The following TCEANC2 variants were observed in gnomAD, a reference collection of about 807,000 sequenced individuals.
The protein encoded by TCEANC2 is transcription elongation factor A N-terminal and central domain-containing protein 2.
A neutral mutation model predicts 22.8 loss-of-function variants in TCEANC2; 20 were observed. The observed-to-expected ratio is 0.88, with a 90% CI of 0.62 to 1.28. The LOEUF (loss-of-function observed/expected upper bound fraction) is 1.28, where lower values mean the gene tolerates loss of function less well. Ranked by LOEUF, TCEANC2 falls within the 50% of genes most tolerant of loss-of-function variation. The probability of loss-of-function intolerance (pLI) is 0.00; values close to 1 mark genes in which losing one functional copy is unlikely to be tolerated. For synonymous variants in TCEANC2, 84 were observed against 95.5 expected, an observed-to-expected ratio of 0.88 and a Z score of 0.70; for missense variants, 251 against 249.7, an observed-to-expected ratio of 1.01 and a Z score of -0.03.
chr1:54,090,864 T>C (rs760851450), intron 4 of TCEANC2, among the ~76,000 whole-genome samples: 9 of 152,216 alleles, frequency 5.9e-5, no homozygotes, highest in Non-Finnish European at 1.2e-4. Context: ...TCTTTTTAAG[T>C]AAATGATAAT....
downstream of TCEANC2, among the ~76,000 whole-genome samples, chr1:54,108,095 C>T (rs1658786439): frequency 6.6e-6 from 1 of 152,132 alleles, no homozygotes; most frequent in South Asian, 2.1e-4. Context: ...TATTTATATC[C>T]CCCATTACAA....
In TCEANC2 at chr1:54,054,272, G is replaced by T; in HGVS notation, c.-42-109G>T. 4 of 1,451,602 alleles carry T rather than the reference G, an allele frequency of 2.8e-6. No individual in the cohort carries two copies. The African/African-American group carries it at 4.3e-5, about 16-fold the overall frequency. The allele number at this position is 1,451,602 out of a possible 1,614,324, so 89.9% of individuals were successfully genotyped here. On this transcript the variant is annotated intron_variant, in intron 1 of 4. Transcript: ENST00000234827. The stretch of plus-strand genomic sequence containing the variant: ...TTACTTCCTGTCAATTCCACTCGAG[G>T]CCCCATAATTCATGAATTCTTCCAG...
In TCEANC2 at chr1:54,105,301, G is replaced by A. The variant is rs1658731519; in HGVS notation, c.*8828G>A. 6.6e-6 allele frequency: 1 copy of A among 152,220 alleles called. No individual in the cohort carries two copies. Among genetic ancestry groups the A allele is most frequent in the Non-Finnish European group, 1.5e-5 (1 of 68,110 alleles). The allele number at this position is 152,220 out of a possible 1,614,324, so 9.4% of individuals were successfully genotyped here. A position where few individuals can be genotyped will look rare whatever the true frequency, so the allele number is the denominator to read the frequency against. ...CAGCCCCCTGGGAATTTTCCTCAAT[G>A]GAAGAGTTACCTCACTGACATACCC... is the stretch of plus-strand genomic sequence containing the variant. On this transcript the variant is annotated 3_prime_UTR_variant, in exon 5 of 5. Transcript: ENST00000234827.
At chr1:54,064,030 A>C (rs746810091) in intron 2 of TCEANC2, among the ~76,000 whole-genome samples, 7 of 152,246 alleles carry the variant, frequency 4.6e-5, no homozygotes, top group Non-Finnish European at 8.8e-5. Flanking sequence ...AATCTTGGCA[A>C]AGGCAAATGT....
chr1:54,081,029 C>T (rs548688105), intron 3 of TCEANC2, among the ~76,000 whole-genome samples: 12 of 152,248 alleles, frequency 7.9e-5, no homozygotes, highest in African/African-American at 2.9e-4. Flanking sequence ...AGGGTTAAAG[C>T]GTGGGCTCTG....
downstream of TCEANC2, among the ~76,000 whole-genome samples, chr1:54,107,282 T>C (rs1213749612): frequency 6.6e-6 from 1 of 152,178 alleles, no homozygotes; most frequent in East Asian, 1.9e-4. Flanking sequence ...TAAGTTGGAA[T>C]TCAGGGTTTT....
chr1:54,089,070 G>T (rs2100381738), intron 4 of TCEANC2, among the ~76,000 whole-genome samples: 1 of 152,314 alleles, frequency 6.6e-6, no homozygotes, highest in East Asian at 1.9e-4. Context: ...CATTCTAGTT[G>T]TGACACCTTA....
At chr1:54,086,406 T>C (rs1658341074) in intron 3 of TCEANC2, among the ~76,000 whole-genome samples, 1 of 152,194 alleles carries the variant, frequency 6.6e-6, no homozygotes, top group Non-Finnish European at 1.5e-5. Flanking sequence ...AGACTAGAGA[T>C]ATTAAGGAAG....
At chr1:54,068,641 G>A in intron 2 of TCEANC2, 115 bp from the exon 3 acceptor site, 1 of 1,121,268 alleles carries the variant, frequency 8.9e-7, no homozygotes, top group South Asian at 2.1e-5. Flanking sequence ...CTGTACTTTG[G>A]TTCAGGTCAT....
At chr1:54,088,191 G>A (rs1173075191) in intron 3 of TCEANC2, among the ~76,000 whole-genome samples, 1 of 152,126 alleles carries the variant, frequency 6.6e-6, no homozygotes, top group Non-Finnish European at 1.5e-5. Context: ...CATTCTGTCA[G>A]TCTTTTCACA....
intron 2 of TCEANC2, among the ~76,000 whole-genome samples, chr1:54,063,064 A>C (rs1335000846): frequency 1.3e-5 from 2 of 152,254 alleles, no homozygotes; most frequent in African/African-American, 4.8e-5. Flanking sequence ...TCAGAGCTGT[A>C]AATGGGAGCT....
chr1:54,065,718 T>A (rs891329222), intron 2 of TCEANC2, among the ~76,000 whole-genome samples: 29 of 147,004 alleles, frequency 2.0e-4, no homozygotes, highest in East Asian at 4.1e-4. Context: ...GTCTCAAAAA[T>A]ATATATATAT....
intron 4 of TCEANC2, among the ~76,000 whole-genome samples, chr1:54,090,874 TAAC>T: frequency 6.6e-6 from 1 of 152,340 alleles, no homozygotes; most frequent in Admixed American, 6.5e-5. Context: ...TAAATGATAA[TAAC>T]AAAGCTATGC....
exon 5 of TCEANC2, chr1:54,111,240 A>G (rs1408313041): frequency 6.6e-6 from 1 of 152,236 alleles, no homozygotes; most frequent in African/African-American, 2.4e-5. Flanking sequence ...CCATGGGAAG[A>G]GCTAATCCCA....
Position 54,101,417 on chromosome 1 carries a change from A to G in TCEANC2, c.*4944A>G, listed in dbSNP as rs1210275503. 6.6e-6 allele frequency: 1 copy of G among 152,188 alleles called. No homozygotes were observed. The highest frequency in any genetic ancestry group is 2.4e-5 in the African/African-American group (1 of 41,436). The allele number at this position is 152,188 out of a possible 1,614,324, so 9.4% of individuals were successfully genotyped here. ...TACAATTACTGTCAGGGATGGACTT[A>G]CTCATAACCTGGGGAGGTTGGTTTC... On this transcript the variant is annotated 3_prime_UTR_variant, in exon 5 of 5. Coordinates refer to ENST00000234827, the MANE Select transcript of TCEANC2 (RefSeq NM_153035.3).
Position 54,098,790 on chromosome 1 carries a change from G to A in TCEANC2, c.*2317G>A, listed in dbSNP as rs1227306822. The A allele has an allele frequency of 6.6e-6, 1 of 152,284 alleles. No individual in the cohort carries two copies. The highest frequency in any genetic ancestry group is 1.5e-5 in the Non-Finnish European group (1 of 68,084). 9.4% of individuals were successfully genotyped at this position (152,284 alleles called of 1,614,324 possible). A position where few individuals can be genotyped will look rare whatever the true frequency, so the allele number is the denominator to read the frequency against. ...TGATACCTGTGTTCAGTCTTAAAGG[G>A]CAGGAGTTTGGATAGGGGAATGTTA... On this transcript the variant is annotated 3_prime_UTR_variant, in exon 5 of 5. Coordinates refer to ENST00000234827, the MANE Select transcript of TCEANC2 (RefSeq NM_153035.3).
chr1:54,097,073 A>G lies in TCEANC2; in HGVS notation c.*600A>G, dbSNP rs1453830495. The G allele has an allele frequency of 2.4e-6, 2 of 833,848 alleles. No individual in the cohort carries two copies. The highest frequency in any genetic ancestry group is 1.1e-4 in the South Asian group (2 of 18,380). The allele number at this position is 833,848 out of a possible 1,614,324, so 51.7% of individuals were successfully genotyped here. ...TCTCCAGAGCCCCCATGCTGAGGCT[A>G]CTAATGAGGAACTGGCCCGAAGCCT... On this transcript the variant is annotated 3_prime_UTR_variant, in exon 5 of 5. Transcript: ENST00000234827.
rs545796525 is a variant in TCEANC2 at position 54,090,555 on chromosome 1, A to G, written c.438+1765A>G. The stretch of plus-strand genomic sequence containing the variant: ...AGTGTCATTTTTTATATCCTTTTCT[A>G]TATATCTTTATTTTTTCATGTTTAT... On this transcript the variant is annotated intron_variant, in intron 4 of 4. Coordinates refer to ENST00000234827, the MANE Select transcript of TCEANC2 (RefSeq NM_153035.3). Among the ~76,000 whole-genome samples, 22 of 152,180 alleles carry G rather than the reference A, an allele frequency of 1.4e-4. No individual in the cohort carries two copies. The South Asian group carries it at 4.1e-3, about 29-fold the overall frequency.
At chr1:54,060,398 C>G (rs1276025555) in intron 2 of TCEANC2, among the ~76,000 whole-genome samples, 1 of 149,334 alleles carries the variant, frequency 6.7e-6, no homozygotes, top group Non-Finnish European at 1.5e-5. Flanking sequence ...GAGCGAGACT[C>G]CATCTCAAAA....
Sources: gnomAD v4.1 joint callset for allele counts (sites outside exome capture counted in the v4.1 genomes callset) on GRCh38, gnomAD v4.1.1 for gene constraint, MANE v1.5 for transcripts, NCBI Gene and HGNC (gene_info 2026-07-23, HGNC 2026-07-21) for gene names.